Variants in CCDC149 observed in about 807,000 individuals in gnomAD.
CCDC149 encodes coiled-coil domain-containing protein 149.
CCDC149 carries 45 observed loss-of-function variants against 59.9 expected under a neutral mutation model. The observed-to-expected ratio is 0.75, with a 90% CI of 0.59 to 0.96. CCDC149 has a LOEUF of 0.96. Ranked by LOEUF, CCDC149 falls within the 40% of genes least tolerant of loss-of-function variation. The probability of loss-of-function intolerance (pLI) is 0.00; values close to 1 mark genes in which losing one functional copy is unlikely to be tolerated. For missense variants in CCDC149, 584 were observed against 664.7 expected, an observed-to-expected ratio of 0.88 and a Z score of 1.33; for synonymous variants, 245 against 260.6, an observed-to-expected ratio of 0.94 and a Z score of 0.58.
At chr4:24,959,993 A>G (rs1723592170) in intron 1 of CCDC149, among the ~76,000 whole-genome samples, 1 of 152,230 alleles carries the variant, frequency 6.6e-6, no homozygotes, top group African/African-American at 2.4e-5. Flanking sequence ...AACATTAACT[A>G]CATAGGTAAA....
chr4:24,908,388 A>G (rs902485659), intron 1 of CCDC149, among the ~76,000 whole-genome samples: 4 of 151,806 alleles, frequency 2.6e-5, no homozygotes, highest in African/African-American at 9.7e-5. Flanking sequence ...TACCTACTCA[A>G]CCTCTCCTTT....
At chr4:24,836,648 G>C (rs527676824) in intron 6 of CCDC149, 140 bp from the exon 7 acceptor site, 5 of 596,254 alleles carry the variant, frequency 8.4e-6, no homozygotes, top group South Asian at 8.3e-5. Context: ...CACCAGAGAG[G>C]AGAAACATGT....
intron 1 of CCDC149, among the ~76,000 whole-genome samples, chr4:24,902,260 C>T (rs1039337176): frequency 4.6e-5 from 7 of 152,202 alleles, no homozygotes; most frequent in Non-Finnish European, 8.8e-5. Context: ...TATATCATCA[C>T]GGCCTGGCAT....
chr4:24,836,179 C>T (rs1018535979), intron 7 of CCDC149, among the ~76,000 whole-genome samples: 3 of 152,190 alleles, frequency 2.0e-5, no homozygotes, highest in Non-Finnish European at 2.9e-5. Flanking sequence ...CTATACCAGG[C>T]GCTAACACAT....
At chr4:24,952,437 C>T (rs1723318691) in intron 1 of CCDC149, among the ~76,000 whole-genome samples, 1 of 150,756 alleles carries the variant, frequency 6.6e-6, no homozygotes, top group Non-Finnish European at 1.5e-5. Flanking sequence ...ACTAAAAATA[C>T]AACAATTATC....
At chr4:24,925,403 G>A (rs912990586) in intron 1 of CCDC149, among the ~76,000 whole-genome samples, 1 of 152,170 alleles carries the variant, frequency 6.6e-6, no homozygotes, top group Admixed American at 6.5e-5. Context: ...TTAAAAGACT[G>A]GGGGTGGGGT....
downstream of CCDC149, among the ~76,000 whole-genome samples, chr4:24,804,746 C>G (rs1186089502): frequency 6.6e-6 from 1 of 152,116 alleles, no homozygotes; most frequent in East Asian, 1.9e-4. Flanking sequence ...AATAACACAT[C>G]AAAAAATTTA....
chr4:24,844,035 T>G (rs1402037607), intron 4 of CCDC149, among the ~76,000 whole-genome samples: 1 of 152,116 alleles, frequency 6.6e-6, no homozygotes, highest in African/African-American at 2.4e-5. Flanking sequence ...TTTGTCTCAT[T>G]CAGGTCAGAT....
intron 4 of CCDC149, among the ~76,000 whole-genome samples, chr4:24,838,979 A>G (rs1716734246): frequency 6.7e-6 from 1 of 149,792 alleles, no homozygotes; most frequent in African/African-American, 2.5e-5. Flanking sequence ...TCTATGCAGT[A>G]TGACTAAAAT....
At chr4:24,895,551 T>C (rs1220022490) in intron 1 of CCDC149, among the ~76,000 whole-genome samples, 1 of 152,178 alleles carries the variant, frequency 6.6e-6, no homozygotes, top group Non-Finnish European at 1.5e-5. Context: ...AAATCCACTG[T>C]TACCCAAGGC....
At chr4:24,817,745 T>A (rs535424805) in intron 12 of CCDC149, among the ~76,000 whole-genome samples, 1 of 151,166 alleles carries the variant, frequency 6.6e-6, no homozygotes, top group South Asian at 2.2e-4. Context: ...GAACCACCCA[T>A]CTGACCCAAA....
intron 4 of CCDC149, among the ~76,000 whole-genome samples, chr4:24,849,037 G>C (rs1445646697): frequency 6.6e-6 from 1 of 152,154 alleles, no homozygotes; most frequent in South Asian, 2.1e-4. Context: ...TCCTCTGCTA[G>C]TTCTGCTGTT....
chr4:24,917,269 T>G (rs1722154643), upstream of CCDC149, among the ~76,000 whole-genome samples: 1 of 152,214 alleles, frequency 6.6e-6, no homozygotes, highest in African/African-American at 2.4e-5. Context: ...CAGCACGAGC[T>G]GCTCCCCTCC....
upstream of CCDC149, among the ~76,000 whole-genome samples, chr4:24,916,453 C>T (rs951669954): frequency 5.3e-5 from 8 of 152,044 alleles, no homozygotes; most frequent in Non-Finnish European, 1.0e-4. Flanking sequence ...GCAACCTAAG[C>T]TCTCATTATG....
intron 2 of CCDC149, among the ~76,000 whole-genome samples, chr4:24,875,222 C>A (rs941672766): frequency 2.0e-5 from 3 of 151,456 alleles, no homozygotes; most frequent in African/African-American, 7.3e-5. Context: ...CCCAGCTACT[C>A]GGGAGGCTGA....
At chr4:24,903,532 G>A (rs1169645760) in intron 1 of CCDC149, among the ~76,000 whole-genome samples, 3 of 152,174 alleles carry the variant, frequency 2.0e-5, no homozygotes, top group Non-Finnish European at 2.9e-5. Context: ...TGTAGCAATA[G>A]CTAACTGTTT....
At chr4:24,869,866 C>G (rs1718929450) in intron 3 of CCDC149, among the ~76,000 whole-genome samples, 1 of 152,212 alleles carries the variant, frequency 6.6e-6, no homozygotes, top group Admixed American at 6.5e-5. Flanking sequence ...TAACTCCTAA[C>G]AGCTCTTCCA....
rs941992874 is a variant in CCDC149 at position 24,852,284 on chromosome 4, CCATACACACACACACACACACA to C, written c.372+766_372+787del. On this transcript the variant is annotated intron_variant, in intron 4 of 12. Transcript: ENST00000635206. The stretch of plus-strand genomic sequence containing the variant: ...CCAAGAACTGCTCCCCTCCAACACA[CCATACACACACACACACACACA>C]CACACACACACACACACACACACAC... 1.6e-4 allele frequency among the ~76,000 whole-genome samples: 17 copies of C among 109,370 alleles called. No homozygotes were observed. In the South Asian group the frequency reaches 4.1e-3, roughly 26 times the overall value. The allele number at this position is 109,370 out of a possible 152,430, so 71.8% of individuals were successfully genotyped here. A position where few individuals can be genotyped will look rare whatever the true frequency, so the allele number is the denominator to read the frequency against.
At chr4:24,810,664 A>G (rs892283232) in intron 12 of CCDC149, among the ~76,000 whole-genome samples, 3 of 152,234 alleles carry the variant, frequency 2.0e-5, no homozygotes, top group Non-Finnish European at 4.4e-5. Context: ...AATTTCCAAC[A>G]GGTATGTAAA....
Sources: gnomAD v4.1 joint callset for allele counts (sites outside exome capture counted in the v4.1 genomes callset) on GRCh38, gnomAD v4.1.1 for gene constraint, MANE v1.5 for transcripts, NCBI Gene and HGNC (gene_info 2026-07-23, HGNC 2026-07-21) for gene names.